INVS: variants seen among roughly 807,000 people sequenced by gnomAD.
INVS encodes the protein inversion of embryo turning homolog.
In INVS, 86 loss-of-function variants were observed where a neutral mutation model predicts 108.8. That is an observed-to-expected ratio of 0.79 (90% CI 0.66 to 0.95). The LOEUF (loss-of-function observed/expected upper bound fraction) is 0.95, where lower values mean the gene tolerates loss of function less well. INVS is among the 40% of genes least tolerant of loss of function. The probability of loss-of-function intolerance (pLI) is 0.00; values close to 1 mark genes in which losing one functional copy is unlikely to be tolerated. For missense variants in INVS, 1,169 were observed against 1,297.4 expected, an observed-to-expected ratio of 0.90 and a Z score of 1.52; for synonymous variants, 455 against 473.5, an observed-to-expected ratio of 0.96 and a Z score of 0.51.
At chr9:100,163,186 A>ATT (rs556149756) in intron 3 of INVS, among the ~76,000 whole-genome samples, 27,361 of 131,764 alleles carry the variant, frequency 0.21, 3,672 homozygotes, top group African/African-American at 0.37. Context: ...TGTTCTTTCT[A>ATT]TTTTTTTTTT....
At chr9:100,186,819 T>C (rs922163334) in intron 3 of INVS, among the ~76,000 whole-genome samples, 2 of 152,200 alleles carry the variant, frequency 1.3e-5, no homozygotes, top group Non-Finnish European at 2.9e-5. Flanking sequence ...GTTGTCTGTT[T>C]ACTCTGAAAA....
At chr9:100,101,440 T>A (rs746645105) in intron 1 of INVS, 4 of 152,050 alleles carry the variant, frequency 2.6e-5, no homozygotes, top group Non-Finnish European at 4.4e-5. Flanking sequence ...AACCTTAATA[T>A]AATCCTGGAT....
intron 3 of INVS, among the ~76,000 whole-genome samples, chr9:100,133,035 G>A (rs745580433): frequency 1.1e-4 from 17 of 152,114 alleles, no homozygotes; most frequent in Non-Finnish European, 2.4e-4. Context: ...AACCTGGGAG[G>A]CGGAAGTTGC....
intron 12 of INVS, among the ~76,000 whole-genome samples, chr9:100,276,022 A>T (rs1833102599): frequency 6.6e-6 from 1 of 152,062 alleles, no homozygotes; most frequent in African/African-American, 2.4e-5. Context: ...CAAATCTCAG[A>T]TCTCCTGTAA....
intron 9 of INVS, among the ~76,000 whole-genome samples, 154 bp downstream of exon 9, chr9:100,252,592 A>G (rs1345029484): frequency 6.6e-6 from 1 of 152,078 alleles, no homozygotes; most frequent in Non-Finnish European, 1.5e-5. Context: ...CTCAAGTTCT[A>G]CTCCTAGCTC....
chr9:100,104,950 A>G (rs566292509), intron 2 of INVS, among the ~76,000 whole-genome samples: 12 of 152,308 alleles, frequency 7.9e-5, no homozygotes, highest in African/African-American at 2.6e-4. Context: ...TTAACATTTA[A>G]TATATACCCA....
chr9:100,281,219 T>C (rs566832822), intron 12 of INVS, among the ~76,000 whole-genome samples: 1 of 152,278 alleles, frequency 6.6e-6, no homozygotes, highest in East Asian at 1.9e-4. Flanking sequence ...CTATCTTGGC[T>C]CTGTCTGTAG....
intron 2 of INVS, among the ~76,000 whole-genome samples, chr9:100,116,555 T>G (rs1003604043): frequency 3.9e-5 from 6 of 152,220 alleles, no homozygotes; most frequent in Non-Finnish European, 7.3e-5. Flanking sequence ...TCAAACACAA[T>G]TTCTTTATTT....
intron 3 of INVS, among the ~76,000 whole-genome samples, chr9:100,139,084 CAT>C (rs1828334892): frequency 6.6e-6 from 1 of 152,178 alleles, no homozygotes; most frequent in Non-Finnish European, 1.5e-5. Context: ...CTTTTACAAA[CAT>C]ATTTTGTGCT....
chr9:100,209,756 C>T (rs532020544), intron 3 of INVS, among the ~76,000 whole-genome samples: 70 of 113,506 alleles, frequency 6.2e-4, no homozygotes, highest in Non-Finnish European at 1.0e-3. Context: ...GGCAACAGAA[C>T]GAGACTCCGT....
chr9:100,285,067 C>T (rs1421722633), intron 13 of INVS, among the ~76,000 whole-genome samples: 1 of 152,154 alleles, frequency 6.6e-6, no homozygotes, highest in Non-Finnish European at 1.5e-5. Context: ...TGTATCATTT[C>T]CTTTCTGTAT....
At chr9:100,226,539 G>A (rs1320899523) in intron 4 of INVS, among the ~76,000 whole-genome samples, 4 of 152,066 alleles carry the variant, frequency 2.6e-5, no homozygotes, top group Admixed American at 6.5e-5. Flanking sequence ...TCGGCCGGGC[G>A]CATTGGCTCA....
Position 100,229,735 on chromosome 9 carries a change from A to G in INVS, c.523A>G (p.Ile175Val), listed in dbSNP as rs748795967. ...VKLLIKHDSNIGIPDVEGKIP... is the reference protein window; with the variant it reads ...VKLLIKHDSNVGIPDVEGKIP... ...GCTGCTCATCAAGCATGATTCTAACATTGGGATTCCTGATGTTGAAGGCAA... is the reference window on the plus strand; with the variant it reads ...GCTGCTCATCAAGCATGATTCTAACGTTGGGATTCCTGATGTTGAAGGCAA... The change falls in exon 5 of 17, where the codon ATT (isoleucine) becomes GTT (valine). Residue 175 changes from isoleucine to valine, a missense_variant. By Grantham distance (29) the Ile-to-Val change is conservative (BLOSUM62 3). Coordinates refer to ENST00000262457, the MANE Select transcript of INVS (RefSeq NM_014425.5). 6.2e-7 allele frequency: 1 copy of G among 1,614,120 alleles called. No homozygotes were observed. The highest frequency in any genetic ancestry group is 8.5e-7 in the Non-Finnish European group (1 of 1,179,970).
At chr9:100,233,635 T>G (rs891544794) in intron 5 of INVS, among the ~76,000 whole-genome samples, 4 of 152,154 alleles carry the variant, frequency 2.6e-5, no homozygotes, top group African/African-American at 9.7e-5. Context: ...AATCATGTGG[T>G]TTTTGTCATT....
chr9:100,119,530 T>C (rs1030644586), intron 2 of INVS, among the ~76,000 whole-genome samples: 4 of 152,208 alleles, frequency 2.6e-5, no homozygotes, highest in Non-Finnish European at 4.4e-5. Context: ...TCATCTGAGA[T>C]TTAGGATTCT....
chr9:100,239,820 A>T (rs1366802685), intron 5 of INVS, among the ~76,000 whole-genome samples: 4 of 152,074 alleles, frequency 2.6e-5, no homozygotes, highest in Non-Finnish European at 5.9e-5. Flanking sequence ...AAAAACACAA[A>T]AATTAGCCAG....
intron 3 of INVS, among the ~76,000 whole-genome samples, chr9:100,217,604 C>G (rs1301369455): frequency 6.6e-6 from 1 of 152,146 alleles, no homozygotes; most frequent in Non-Finnish European, 1.5e-5. Flanking sequence ...TGCATGACAT[C>G]TGAAGAGTGC....
intron 2 of INVS, chr9:100,117,757 A>C: frequency 2.0e-6 from 1 of 503,388 alleles, no homozygotes; most frequent in Non-Finnish European, 3.5e-6. Context: ...GAATATTTGT[A>C]TTCCTCCAAA....
Position 100,229,752 on chromosome 9 carries a change from T to G in INVS, c.540T>G (p.Val180=), listed in dbSNP as rs779847790. 6.2e-7 allele frequency: 1 copy of G among 1,614,172 alleles called. No homozygotes were observed. Among genetic ancestry groups the G allele is most frequent in the Non-Finnish European group, 8.5e-7 (1 of 1,180,008 alleles). The part of the protein sequence containing the change: ...KHDSNIGIPD[V]EGKIPLHWAA... Reference sequence around the variant, plus strand: ...ATTCTAACATTGGGATTCCTGATGTTGAAGGCAAGATCCCACTTCACTGGG... The same window carrying G: ...ATTCTAACATTGGGATTCCTGATGTGGAAGGCAAGATCCCACTTCACTGGG... Residue 180 remains valine, a synonymous_variant, in exon 5 of 17, where the codon GTT becomes GTG. Transcript: ENST00000262457.
Sources: allele counts gnomAD v4.1 joint callset (sites outside exome capture counted in the v4.1 genomes callset), GRCh38; gene constraint gnomAD v4.1.1; transcripts MANE v1.5; gene names NCBI Gene and HGNC (gene_info 2026-07-23, HGNC 2026-07-21).